PLXDC2: variants seen among roughly 807,000 people sequenced by gnomAD.
The protein encoded by PLXDC2 is plexin domain-containing protein 2.
Under a neutral mutation model 68.9 loss-of-function variants are expected in PLXDC2, and 40 were observed. The observed-to-expected ratio is 0.58, with a 90% CI of 0.45 to 0.76. The LOEUF is 0.76. Ranked by LOEUF, PLXDC2 falls within the 30% of genes least tolerant of loss-of-function variation. The probability of loss-of-function intolerance (pLI) is 0.00; values close to 1 mark genes in which losing one functional copy is unlikely to be tolerated. For missense variants in PLXDC2, 644 were observed against 661.9 expected, an observed-to-expected ratio of 0.97 and a Z score of 0.30; for synonymous variants, 243 against 234.2, an observed-to-expected ratio of 1.04 and a Z score of -0.34.
intron 1 of PLXDC2, among the ~76,000 whole-genome samples, chr10:19,853,234 A>G (rs540920868): frequency 6.6e-6 from 1 of 152,330 alleles, no homozygotes; most frequent in African/African-American, 2.4e-5. Flanking sequence ...TAAGTATCAC[A>G]GTTCATTAGA....
chr10:20,054,620 G>T (rs1050483971), intron 3 of PLXDC2, among the ~76,000 whole-genome samples: 1 of 151,912 alleles, frequency 6.6e-6, no homozygotes, highest in African/African-American at 2.4e-5. Context: ...ACCAAACACC[G>T]CATGTTCTCA....
At chr10:19,829,318 C>T (rs1170562857) in intron 1 of PLXDC2, among the ~76,000 whole-genome samples, 8 of 152,058 alleles carry the variant, frequency 5.3e-5, no homozygotes, top group Admixed American at 3.3e-4. Context: ...TAGCTCCAAG[C>T]ATAGGAAGCT....
At chr10:20,067,414 G>A (rs11011778) in intron 3 of PLXDC2, among the ~76,000 whole-genome samples, 7,088 of 152,234 alleles carry the variant, frequency 0.047, 192 homozygotes, top group Middle Eastern at 0.095. Flanking sequence ...AGCCGGGCAT[G>A]GTGGCTCACG....
At chr10:20,250,271 CAAAA>C (rs35463564) in intron 13 of PLXDC2, among the ~76,000 whole-genome samples, 4 of 108,460 alleles carry the variant, frequency 3.7e-5, no homozygotes, top group East Asian at 3.3e-4. Context: ...GATCCTGTTT[CAAAA>C]AAAAAAAAAA....
intron 7 of PLXDC2, among the ~76,000 whole-genome samples, chr10:20,168,151 G>A (rs867511669): frequency 1.3e-5 from 2 of 152,062 alleles, no homozygotes; most frequent in South Asian, 2.1e-4. Context: ...GAAAAGTATG[G>A]TAAAACTAAG....
At chr10:19,943,603 A>T (rs1038055118) in intron 1 of PLXDC2, among the ~76,000 whole-genome samples, 6 of 152,218 alleles carry the variant, frequency 3.9e-5, no homozygotes, top group Admixed American at 3.9e-4. Flanking sequence ...AAAACATTAG[A>T]CCACACGAAG....
intron 4 of PLXDC2, among the ~76,000 whole-genome samples, chr10:20,133,241 A>T (rs1166830633): frequency 6.6e-6 from 1 of 152,150 alleles, no homozygotes; most frequent in Non-Finnish European, 1.5e-5. Context: ...TGAGTTGTGG[A>T]GCACTATTGG....
At chr10:19,907,220 TC>T (rs1205395073) in intron 1 of PLXDC2, among the ~76,000 whole-genome samples, 5 of 152,312 alleles carry the variant, frequency 3.3e-5, no homozygotes, top group African/African-American at 1.2e-4. Flanking sequence ...GTGGTGACTC[TC>T]CATGATCATT....
Position 20,147,895 on chromosome 10 carries a change from A to C in PLXDC2, c.776A>C (p.Tyr259Ser). The change falls in exon 6 of 14, where the codon TAC becomes TCC. Residue 259 changes from tyrosine (Y) to serine (S), a missense_variant. Coordinates refer to ENST00000377252, the MANE Select transcript of PLXDC2 (RefSeq NM_032812.9). Reference protein sequence around the residue: ...LLMDGRIIFGYKEIPVLVTQI... With the variant: ...LLMDGRIIFGSKEIPVLVTQI... ...ATGGATGGACGAATCATCTTTGGATACAAAGAAGTAAGTGATGCGTTGATA... is the reference window on the plus strand; with the variant it reads ...ATGGATGGACGAATCATCTTTGGATCCAAAGAAGTAAGTGATGCGTTGATA... 3 of 1,588,638 alleles carry C rather than the reference A, an allele frequency of 1.9e-6. No homozygotes were observed. Among genetic ancestry groups the C allele is most frequent in the African/African-American group, 1.3e-5 (1 of 74,400 alleles).
At chr10:19,982,267 A>G (rs921818460) in intron 1 of PLXDC2, among the ~76,000 whole-genome samples, 2 of 152,244 alleles carry the variant, frequency 1.3e-5, no homozygotes, top group African/African-American at 4.8e-5. Flanking sequence ...GACTAATTTT[A>G]ATCCTAGAGT....
intron 13 of PLXDC2, among the ~76,000 whole-genome samples, chr10:20,247,316 A>G (rs968294774): frequency 5.3e-5 from 8 of 151,720 alleles, no homozygotes; most frequent in Non-Finnish European, 8.8e-5. Flanking sequence ...AAAAAAGAAA[A>G]AAAGAAAAAA....
At chr10:20,040,455 G>A (rs1055583611) in intron 2 of PLXDC2, among the ~76,000 whole-genome samples, 1 of 152,116 alleles carries the variant, frequency 6.6e-6, no homozygotes, top group African/African-American at 2.4e-5. Flanking sequence ...GCACTTGTAC[G>A]TGTTTCTACT....
chr10:20,058,638 A>G (rs1350657002), intron 3 of PLXDC2, among the ~76,000 whole-genome samples: 2 of 152,196 alleles, frequency 1.3e-5, no homozygotes, highest in Admixed American at 1.3e-4. Context: ...TGTTCTCTGA[A>G]AGGCAGATTG....
intron 9 of PLXDC2, among the ~76,000 whole-genome samples, chr10:20,210,787 A>T (rs1835059325): frequency 6.6e-6 from 1 of 152,180 alleles, no homozygotes; most frequent in Non-Finnish European, 1.5e-5. Flanking sequence ...CTCCCAGTGG[A>T]ATTGCACAGA....
At chr10:20,200,691 A>G (rs1256806789) in intron 9 of PLXDC2, among the ~76,000 whole-genome samples, 1 of 152,094 alleles carries the variant, frequency 6.6e-6, no homozygotes, top group Non-Finnish European at 1.5e-5. Context: ...ATAACCAACA[A>G]CCTAATTAAA....
chr10:20,164,471 C>CAAATACAAGAA lies in PLXDC2; in HGVS notation c.787_788insAAATACAAGAA (p.Pro263GlnfsTer11). 6.2e-7 allele frequency: 1 copy of CAAATACAAGAA among 1,611,326 alleles called. No individual in the cohort carries two copies. The highest frequency in any genetic ancestry group is 1.1e-5 in the South Asian group (1 of 91,006). On this transcript the variant is annotated frameshift_variant, in exon 7 of 14. Transcript: ENST00000377252. LOFTEE classifies it high-confidence loss of function. ...TACCTGCTTTGTTTTTTTCCAGATT[C>CAAATACAAGAA]CTGTCTTGGTCACACAGATAAGTTC... is the stretch of plus-strand genomic sequence containing the variant.
At chr10:19,994,434 T>A (rs928123320) in intron 1 of PLXDC2, among the ~76,000 whole-genome samples, 1 of 148,578 alleles carries the variant, frequency 6.7e-6, no homozygotes, top group African/African-American at 2.5e-5. Flanking sequence ...GCTCAAGCGA[T>A]CCTCCAACCT....
intron 1 of PLXDC2, among the ~76,000 whole-genome samples, chr10:19,969,648 G>A (rs1021186360): frequency 3.3e-5 from 5 of 152,156 alleles, no homozygotes; most frequent in African/African-American, 1.2e-4. Flanking sequence ...GACATACCAT[G>A]GGAAGATCTC....
chr10:19,844,112 C>G (rs1034146307), intron 1 of PLXDC2, among the ~76,000 whole-genome samples: 1 of 152,080 alleles, frequency 6.6e-6, no homozygotes, highest in Non-Finnish European at 1.5e-5. Flanking sequence ...AAGACAGACA[C>G]ACAGGAAAAT....
Sources: allele counts gnomAD v4.1 joint callset (sites outside exome capture counted in the v4.1 genomes callset), GRCh38; gene constraint gnomAD v4.1.1; transcripts MANE v1.5; gene names NCBI Gene and HGNC (gene_info 2026-07-23, HGNC 2026-07-21).